BNC2: variants seen among roughly 807,000 people sequenced by gnomAD.
BNC2 encodes basonuclin zinc finger protein 2.
BNC2 carries 20 observed loss-of-function variants against 76.3 expected under a neutral mutation model. The observed-to-expected ratio is 0.26, with a 90% confidence interval of 0.18 to 0.38. BNC2 has a LOEUF of 0.38. BNC2 is among the 10% of genes least tolerant of loss of function. BNC2 has a pLI of 1.00. For synonymous variants in BNC2, 582 were observed against 514.8 expected, an observed-to-expected ratio of 1.13 and a Z score of -1.77; for missense variants, 1,382 against 1,399.8, an observed-to-expected ratio of 0.99 and a Z score of 0.20.
rs1265758522 is a variant in BNC2 at position 16,727,899 on chromosome 9, G to A, written c.228C>T (p.Asp76=). 1.9e-6 allele frequency: 3 copies of A among 1,614,172 alleles called. No homozygotes were observed. Among genetic ancestry groups the A allele is most frequent in the Middle Eastern group, 1.6e-4 (1 of 6,062 alleles). The change falls in exon 3 of 7, where the codon GAC becomes GAT. Residue 76 remains aspartate (D), a synonymous_variant. Coordinates refer to ENST00000380672, the MANE Select transcript of BNC2 (RefSeq NM_017637.6). ...RDLTLRDSCT[D]NSMQFGTRTT... ...TTCTGGTTCCGAACTGCATGGAGTT[G>A]TCAGTACAGGAGTCTCTTAAAGTCA...
chr9:16,487,484 A>G (rs1822190746), intron 5 of BNC2, among the ~76,000 whole-genome samples: 1 of 152,222 alleles, frequency 6.6e-6, no homozygotes, highest in Admixed American at 6.5e-5. Flanking sequence ...ACAGTACTGC[A>G]CAGTGGGCAC....
chr9:16,870,641 C>G lies in BNC2; in HGVS notation c.3+5G>C. ...AAAAGAGGAAGGAGGGTGGAAACTTCTTACCATCTCGGCATGCTGGTTGTC... is the reference window on the plus strand; with the variant it reads ...AAAAGAGGAAGGAGGGTGGAAACTTGTTACCATCTCGGCATGCTGGTTGTC... On this transcript the variant is annotated splice_donor_5th_base_variant and intron_variant, in intron 1 of 6. Transcript: ENST00000380672. The G allele has an allele frequency of 6.2e-7, 1 of 1,611,286 alleles. No individual in the cohort carries two copies. Among genetic ancestry groups the G allele is most frequent in the African/African-American group, 1.3e-5 (1 of 74,544 alleles).
At chr9:16,832,819 G>A (rs1818611291) in intron 1 of BNC2, among the ~76,000 whole-genome samples, 1 of 151,940 alleles carries the variant, frequency 6.6e-6, no homozygotes, top group Non-Finnish European at 1.5e-5. Flanking sequence ...CCCGCCCACT[G>A]GGTTCAAGCG....
intron 1 of BNC2, among the ~76,000 whole-genome samples, chr9:16,832,501 C>A (rs1044016882): frequency 2.6e-5 from 4 of 152,196 alleles, no homozygotes; most frequent in African/African-American, 9.7e-5. Flanking sequence ...AAGACCTCCA[C>A]CCCACTCGTG....
chr9:16,481,989 G>A (rs1164783038), intron 5 of BNC2, among the ~76,000 whole-genome samples: 1 of 152,124 alleles, frequency 6.6e-6, no homozygotes, highest in Non-Finnish European at 1.5e-5. Context: ...GAGCTCCAAA[G>A]TATGTGTAAT....
At chr9:16,813,358 C>T (rs1818102202) in intron 1 of BNC2, among the ~76,000 whole-genome samples, 1 of 151,580 alleles carries the variant, frequency 6.6e-6, no homozygotes, top group Admixed American at 6.6e-5. Context: ...CTCCACCTCC[C>T]GGGTTCACGC....
chr9:16,618,470 C>A (rs1820773017), intron 3 of BNC2, among the ~76,000 whole-genome samples: 1 of 152,192 alleles, frequency 6.6e-6, no homozygotes, highest in Admixed American at 6.5e-5. Context: ...AGGGACACAA[C>A]ATCAAACATC....
Position 16,548,673 on chromosome 9 carries a change from G to A in BNC2, c.669+3857C>T, listed in dbSNP as rs533241915. 2.4e-3 allele frequency among the ~76,000 whole-genome samples: 363 copies of A among 152,258 alleles called. 1 individual carries two copies. Among genetic ancestry groups the A allele is most frequent in the Admixed American group, 3.8e-3 (58 of 15,308 alleles). ...GCCCGCCTTGGCCTCCGAAAGTGCT[G>A]GGATTACAGGCGTGAGCCACCACGC... On this transcript the variant is annotated intron_variant, in intron 5 of 6. Transcript: ENST00000380672.
chr9:16,857,698 GCTGA>G (rs1819299198), intron 1 of BNC2, among the ~76,000 whole-genome samples: 1 of 152,152 alleles, frequency 6.6e-6, no homozygotes, highest in Non-Finnish European at 1.5e-5. Flanking sequence ...AATAGTTGAT[GCTGA>G]CTAAATAATG....
intron 3 of BNC2, among the ~76,000 whole-genome samples, chr9:16,718,778 C>T (rs1391246198): frequency 3.3e-5 from 5 of 152,124 alleles, no homozygotes; most frequent in African/African-American, 1.2e-4. Context: ...GGAAAGCCAC[C>T]CACAGGCTCA....
intron 3 of BNC2, chr9:16,699,283 G>A: frequency 2.2e-6 from 1 of 457,938 alleles, no homozygotes; most frequent in Non-Finnish European, 4.5e-6. Flanking sequence ...GTTAGGAGGA[G>A]GAAGACAGGC....
chr9:16,508,627 G>A (rs1427061341), intron 5 of BNC2, among the ~76,000 whole-genome samples: 4 of 152,038 alleles, frequency 2.6e-5, no homozygotes, highest in East Asian at 1.9e-4. Context: ...ATTGTTCCAC[G>A]CAGGTCAAAA....
At chr9:16,589,065 G>A (rs1206163103) in intron 3 of BNC2, among the ~76,000 whole-genome samples, 1 of 152,132 alleles carries the variant, frequency 6.6e-6, no homozygotes, top group East Asian at 1.9e-4. Context: ...GGAAAAAACT[G>A]ATTCCGGTTC....
chr9:16,685,654 G>A, intron 3 of BNC2: 1 of 1,293,418 alleles, frequency 7.7e-7, no homozygotes, highest in Non-Finnish European at 1.0e-6. Flanking sequence ...CACGTTAGAT[G>A]CTGTGTATGG....
At chr9:16,683,003 C>T (rs965470775) in intron 3 of BNC2, among the ~76,000 whole-genome samples, 20 of 152,146 alleles carry the variant, frequency 1.3e-4, no homozygotes, top group African/African-American at 4.8e-4. Context: ...AACTGGAGTA[C>T]CCACTTCAAA....
chr9:16,762,354 C>G (rs551946185), intron 1 of BNC2, among the ~76,000 whole-genome samples: 2 of 152,150 alleles, frequency 1.3e-5, no homozygotes, highest in African/African-American at 4.8e-5. Context: ...GAGATCTTTA[C>G]CCACCCTACC....
In BNC2 at chr9:16,595,508, C is replaced by T. The variant is rs191581057; in HGVS notation, c.331-12423G>A. 3.3e-5 allele frequency among the ~76,000 whole-genome samples: 5 copies of T among 152,150 alleles called. No homozygotes were observed. The East Asian group carries it at 7.7e-4, about 23-fold the overall frequency. ...TTGATTTTACCAGTGGCTAGAGTCA[C>T]TGGAATTTTTCAAGTGAAACCTCTC... is the stretch of plus-strand genomic sequence containing the variant. On this transcript the variant is annotated intron_variant, in intron 3 of 6. Transcript: ENST00000380672.
chr9:16,727,583 C>CTT, intron 3 of BNC2: 1 of 566,352 alleles, frequency 1.8e-6, no homozygotes. Flanking sequence ...CTTCGGTATC[C>CTT]TTTCCCCTTT....
At chr9:16,649,656 CTTATT>C (rs1821737387) in intron 3 of BNC2, among the ~76,000 whole-genome samples, 1 of 152,070 alleles carries the variant, frequency 6.6e-6, no homozygotes, top group Admixed American at 6.5e-5. Flanking sequence ...ATCTTAAAAT[CTTATT>C]TTATGTTCAA....
Sources: gnomAD v4.1 joint callset for allele counts (sites outside exome capture counted in the v4.1 genomes callset) on GRCh38, gnomAD v4.1.1 for gene constraint, MANE v1.5 for transcripts, NCBI Gene and HGNC (gene_info 2026-07-23, HGNC 2026-07-21) for gene names.